PDE7B: variants seen among roughly 807,000 people sequenced by gnomAD.
PDE7B encodes 3',5'-cyclic-AMP phosphodiesterase 7B.
In PDE7B, 29 loss-of-function variants were observed where a neutral mutation model predicts 56.2. That is an observed-to-expected ratio of 0.52 (90% CI 0.38 to 0.70). The LOEUF (loss-of-function observed/expected upper bound fraction) is 0.70. Among genes scored for constraint, PDE7B ranks in the 30% least tolerant of loss-of-function variants. PDE7B has a pLI of 0.00. For synonymous variants in PDE7B, 197 were observed against 196.9 expected, an observed-to-expected ratio of 1.00 and a Z score of 0.00; for missense variants, 490 against 565.0, an observed-to-expected ratio of 0.87 and a Z score of 1.35.
At chr6:136,084,589 G>A (rs774863292) in intron 2 of PDE7B, among the ~76,000 whole-genome samples, 24 of 152,292 alleles carry the variant, frequency 1.6e-4, no homozygotes, top group Non-Finnish European at 2.8e-4. Flanking sequence ...AGCAGTCTCC[G>A]TCAGAAGGGT....
At chr6:136,014,268 T>A (rs1248917315) in intron 2 of PDE7B, among the ~76,000 whole-genome samples, 1 of 152,238 alleles carries the variant, frequency 6.6e-6, no homozygotes, top group African/African-American at 2.4e-5. Context: ...AAGGTGATAA[T>A]CTTTGTCAAT....
In PDE7B at chr6:136,037,665, G is replaced by C. The variant is rs914771520; in HGVS notation, c.83-71066G>C. ...GCAGGCCTGAGCCTGTACCACAGGG[G>C]TGACTCCTCACCTGACACCTCCAGA... On this transcript the variant is annotated intron_variant, in intron 2 of 12. Coordinates refer to ENST00000308191, the MANE Select transcript of PDE7B (RefSeq NM_018945.4). 5.1e-6 allele frequency: 5 copies of C among 985,332 alleles called. No homozygotes were observed. In the African/African-American group the frequency reaches 8.7e-5, roughly 17 times the overall value. 61.0% of individuals were successfully genotyped at this position (985,332 alleles called of 1,614,324 possible).
At chr6:135,892,127 G>A (rs1456735921) in intron 1 of PDE7B, among the ~76,000 whole-genome samples, 1 of 152,206 alleles carries the variant, frequency 6.6e-6, no homozygotes, top group Non-Finnish European at 1.5e-5. Context: ...AATTTTGGAA[G>A]TTAAATATGA....
rs1263834512 is a variant in PDE7B, at chr6:136,009,215, C to T, written c.82+61691C>T. 2.0e-4 allele frequency among the ~76,000 whole-genome samples: 31 copies of T among 151,886 alleles called. 1 individual carries two copies. The highest frequency in any genetic ancestry group is 6.8e-3 in the Middle Eastern group (2 of 294). On this transcript the variant is annotated intron_variant, in intron 2 of 12. Coordinates refer to ENST00000308191, the MANE Select transcript of PDE7B (RefSeq NM_018945.4). ...CTATATCTCTGTTTTGGTACCAGTA[C>T]CATGCTGTTTTGGTTACTGTAGCCT...
At chr6:136,045,253 A>G (rs1214954402) in intron 2 of PDE7B, among the ~76,000 whole-genome samples, 1 of 152,152 alleles carries the variant, frequency 6.6e-6, no homozygotes, top group African/African-American at 2.4e-5. Flanking sequence ...TGTGAACTTT[A>G]TACTTCATTT....
intron 2 of PDE7B, among the ~76,000 whole-genome samples, chr6:136,083,216 T>C (rs1007642293): frequency 5.3e-5 from 8 of 152,136 alleles, no homozygotes; most frequent in Non-Finnish European, 1.2e-4. Context: ...AGACTGAGGG[T>C]GGAACCCTGA....
intron 2 of PDE7B, among the ~76,000 whole-genome samples, chr6:136,030,882 A>G (rs1344960061): frequency 6.6e-6 from 1 of 152,270 alleles, no homozygotes; most frequent in Non-Finnish European, 1.5e-5. Flanking sequence ...GACTGTCAAA[A>G]ATAGTATTTG....
intron 2 of PDE7B, chr6:136,072,615 T>A (rs975676): frequency 0.43 from 65,434 of 152,138 alleles, 14,178 homozygotes; most frequent in South Asian, 0.51. Context: ...GGCCACCTTG[T>A]AGGTTAGAGT....
At chr6:135,924,299 T>C (rs1012590883) in intron 1 of PDE7B, among the ~76,000 whole-genome samples, 3 of 152,218 alleles carry the variant, frequency 2.0e-5, no homozygotes, top group Non-Finnish European at 2.9e-5. Context: ...GAAATAGATA[T>C]AGTCTATCCA....
At chr6:136,036,498 G>T (rs1460169192) in intron 2 of PDE7B, among the ~76,000 whole-genome samples, 1 of 152,068 alleles carries the variant, frequency 6.6e-6, no homozygotes, top group East Asian at 1.9e-4. Flanking sequence ...ACTTAATCCA[G>T]TATGGAAAAC....
intron 1 of PDE7B, among the ~76,000 whole-genome samples, chr6:135,885,289 G>GTTGT (rs968199745): frequency 3.3e-5 from 5 of 149,312 alleles, no homozygotes; most frequent in East Asian, 2.0e-4. Flanking sequence ...GGAGGGTTTT[G>GTTGT]TTGTTTGTTT....
intron 2 of PDE7B, among the ~76,000 whole-genome samples, chr6:135,967,158 G>A (rs1463813474): frequency 6.6e-6 from 1 of 152,006 alleles, no homozygotes; most frequent in African/African-American, 2.4e-5. Context: ...GTCTATAATG[G>A]GTAGATTCAA....
intron 2 of PDE7B, chr6:136,037,483 G>A: frequency 2.0e-6 from 2 of 985,408 alleles, no homozygotes; most frequent in Non-Finnish European, 2.4e-6. Flanking sequence ...TGATCAAACT[G>A]AGGCACTGAG....
At chr6:136,118,586 C>A (rs1220245618) in intron 3 of PDE7B, among the ~76,000 whole-genome samples, 1 of 152,116 alleles carries the variant, frequency 6.6e-6, no homozygotes, top group Admixed American at 6.5e-5. Context: ...CCAAGGTCAC[C>A]CAGCTTGTAA....
chr6:135,909,374 GGAGGCC>G (rs1776171676), intron 1 of PDE7B, among the ~76,000 whole-genome samples: 2 of 152,096 alleles, frequency 1.3e-5, no homozygotes, highest in East Asian at 3.9e-4. Flanking sequence ...CAGCACTATG[GGAGGCC>G]GAGGTGGACG....
chr6:136,122,101 C>T (rs112932992), intron 3 of PDE7B, among the ~76,000 whole-genome samples: 6,160 of 152,018 alleles, frequency 0.041, 410 homozygotes, highest in African/African-American at 0.14. Flanking sequence ...GTTCACGCCA[C>T]TCTCCTGCCT....
At position 136,106,206 on chromosome 6, in the gene PDE7B, A is replaced by G. The variant is rs564448106; in HGVS notation, c.83-2525A>G. ...ATCTATACAGTCTCCTCCATGCATC[A>G]TTTTTACTGTATATGTCTCCCTTCT... On this transcript the variant is annotated intron_variant, in intron 2 of 12. Transcript: ENST00000308191. Among the ~76,000 whole-genome samples the G allele has an allele frequency of 2.0e-5, 3 of 152,332 alleles. No individual in the cohort carries two copies. The South Asian group carries it at 6.2e-4, about 32-fold the overall frequency.
chr6:136,176,749 TAACA>T (rs1778984730), intron 9 of PDE7B, among the ~76,000 whole-genome samples: 1 of 152,144 alleles, frequency 6.6e-6, no homozygotes, highest in East Asian at 1.9e-4. Context: ...TTATACTCCC[TAACA>T]AAGAATGAGG....
chr6:135,852,205 T>G (rs1358310973), intron 1 of PDE7B, among the ~76,000 whole-genome samples, 186 bp downstream of exon 1: 1 of 152,158 alleles, frequency 6.6e-6, no homozygotes, highest in Non-Finnish European at 1.5e-5. Flanking sequence ...ACATTATCAC[T>G]TACCCTGAAT....
Sources: allele counts gnomAD v4.1 joint callset (sites outside exome capture counted in the v4.1 genomes callset), GRCh38; gene constraint gnomAD v4.1.1; transcripts MANE v1.5; gene names NCBI Gene and HGNC (gene_info 2026-07-23, HGNC 2026-07-21).